PARP9: variants seen among roughly 807,000 people sequenced by gnomAD.
PARP9 encodes protein mono-ADP-ribosyltransferase PARP9.
Under a neutral mutation model 68.8 loss-of-function variants are expected in PARP9, and 48 were observed. The observed-to-expected ratio is 0.70, with a 90% CI of 0.55 to 0.89. The LOEUF (loss-of-function observed/expected upper bound fraction) is 0.89. Among genes scored for constraint, PARP9 ranks in the 40% least tolerant of loss-of-function variants. The probability of loss-of-function intolerance (pLI) is 0.00; values close to 1 mark genes in which losing one functional copy is unlikely to be tolerated. For synonymous variants in PARP9, 309 were observed against 333.8 expected (o/e 0.93, Z 0.81); for missense variants, 806 against 969.3 (o/e 0.83, Z 2.24).
intron 8 of PARP9, among the ~76,000 whole-genome samples, chr3:122,538,322 C>T (rs371391822): frequency 6.6e-6 from 1 of 152,122 alleles, no homozygotes; most frequent in Non-Finnish European, 1.5e-5. Flanking sequence ...AAACTTCTGC[C>T]GTTGGAAATG....
In PARP9 at chr3:122,545,463, C is replaced by T; in HGVS notation, c.1353G>A (p.Arg451=). ...AATTGTTCAAACTCAGCATCTTGGACCTCTTTGCCATTTCAGAACTGAAAG... is the reference window on the plus strand; with the variant it reads ...AATTGTTCAAACTCAGCATCTTGGATCTCTTTGCCATTTCAGAACTGAAAG... ...YKAFSSEMAK[R]SKMLSLNNYS... Residue 451 remains arginine, a synonymous_variant, in exon 7 of 11, where the codon AGG becomes AGA. Transcript: ENST00000682323. 6.2e-7 allele frequency: 1 copy of T among 1,614,196 alleles called. No individual in the cohort carries two copies. Among genetic ancestry groups the T allele is most frequent in the East Asian group, 2.2e-5 (1 of 44,890 alleles).
intron 8 of PARP9, among the ~76,000 whole-genome samples, chr3:122,540,176 C>T (rs1393737011): frequency 6.6e-6 from 1 of 152,170 alleles, no homozygotes; most frequent in Admixed American, 6.5e-5. Context: ...ATACTTTTCC[C>T]CATGGCTTGG....
At chr3:122,530,383 A>G (rs955996151) in intron 10 of PARP9, among the ~76,000 whole-genome samples, 1 of 152,160 alleles carries the variant, frequency 6.6e-6, no homozygotes, top group Non-Finnish European at 1.5e-5. Context: ...CGTGCATGTT[A>G]TCTAGGTCCA....
intron 2 of PARP9, 40 bp downstream of exon 2, chr3:122,559,566 T>A: frequency 6.4e-7 from 1 of 1,559,982 alleles, no homozygotes; most frequent in Non-Finnish European, 8.7e-7. Context: ...ATTCATGTGC[T>A]GATCAAGGTT....
At chr3:122,564,754 T>G, upstream of PARP9, 709 of 945,182 alleles carry the variant, frequency 7.5e-4, no homozygotes, top group Non-Finnish European at 9.8e-4. Flanking sequence ...GACGGGGCCC[T>G]ACTGCCAAGA....
At chr3:122,558,753 C>T (rs1271161439) in intron 2 of PARP9, among the ~76,000 whole-genome samples, 1 of 152,148 alleles carries the variant, frequency 6.6e-6, no homozygotes, top group African/African-American at 2.4e-5. Context: ...CTCTGTCACC[C>T]AGGCTGGAGT....
At chr3:122,536,639 A>C in intron 9 of PARP9, 2 of 535,988 alleles carry the variant, frequency 3.7e-6, no homozygotes, top group Non-Finnish European at 6.4e-6. Context: ...AAATAGGTAA[A>C]CAATTATAAC....
At chr3:122,563,260 G>T (rs1349306491) in intron 1 of PARP9, among the ~76,000 whole-genome samples, 2 of 152,154 alleles carry the variant, frequency 1.3e-5, no homozygotes, top group Non-Finnish European at 2.9e-5. Context: ...TGTCCAGGGT[G>T]GACTATCAGC....
At chr3:122,543,131 G>A (rs1432880384) in intron 7 of PARP9, among the ~76,000 whole-genome samples, 3 of 151,626 alleles carry the variant, frequency 2.0e-5, no homozygotes, top group African/African-American at 2.4e-5. Flanking sequence ...AACTGGTCTC[G>A]AACTCCTGAC....
rs1443665448 is a variant in PARP9, at chr3:122,528,329, G to GT, written c.*34dup. On this transcript the variant is annotated 3_prime_UTR_variant, in exon 11 of 11. Coordinates refer to ENST00000682323, the MANE Select transcript of PARP9 (RefSeq NM_001146105.2). ...TCATTATTTGGTTAGTTCACCCAAG[G>GT]TAAGGCCATACCAGCTGTTAAAATG... is the stretch of plus-strand genomic sequence containing the variant. The GT allele has an allele frequency of 5.0e-6, 8 of 1,588,066 alleles. No individual in the cohort carries two copies. Among genetic ancestry groups the GT allele is most frequent in the Non-Finnish European group, 6.9e-6 (8 of 1,166,362 alleles).
At chr3:122,546,482 T>C (rs117399974) in intron 6 of PARP9, among the ~76,000 whole-genome samples, 3,336 of 152,354 alleles carry the variant, frequency 0.022, 62 homozygotes, top group East Asian at 0.1. Context: ...TAAGGTAGGA[T>C]AGGCTAAGCT....
chr3:122,556,130 GAAGAGAAGATT>G lies in PARP9; in HGVS notation c.50-20_50-10del. On this transcript the variant is annotated splice_polypyrimidine_tract_variant and intron_variant, in intron 3 of 10. Transcript: ENST00000682323. ...TCCAAGAGCACCAGTCTCTGGAAAA[GAAGAGAAGATT>G]AAAAAAAAAAAAAAAAAAAAAAAAA... 2 of 189,794 alleles carry G rather than the reference GAAGAGAAGATT, an allele frequency of 1.1e-5. No homozygotes were observed. Among genetic ancestry groups the G allele is most frequent in the South Asian group, 6.0e-5 (1 of 16,594 alleles). 11.8% of individuals were successfully genotyped at this position (189,794 alleles called of 1,614,324 possible).
chr3:122,555,918 A>T lies in PARP9; in HGVS notation c.253T>A (p.Leu85Ile). 1.2e-6 allele frequency: 2 copies of T among 1,613,798 alleles called. No individual in the cohort carries two copies. The highest frequency in any genetic ancestry group is 1.3e-5 in the African/African-American group (1 of 74,926). The change falls in exon 4 of 11, where the codon TTA (leucine) becomes ATA (isoleucine). Residue 85 changes from leucine to isoleucine, a missense_variant. Transcript: ENST00000682323. ...FRKMLTPRIE[L>I]SVWKDDLTTH... ...GTGAGGTCATCTTTCCAGACTGATA[A>T]CTCTATCCTAGGAGTCAGCATTTTT...
At chr3:122,554,578 C>T (rs1056069557) in intron 4 of PARP9, among the ~76,000 whole-genome samples, 4 of 152,046 alleles carry the variant, frequency 2.6e-5, no homozygotes, top group African/African-American at 9.7e-5. Flanking sequence ...GTATATTGAT[C>T]CCAGCTCTAA....
rs936717644 is a variant in PARP9, at chr3:122,528,444, G to T, written c.2380C>A (p.Gln794Lys). 1.2e-6 allele frequency: 2 copies of T among 1,614,080 alleles called. No individual in the cohort carries two copies. Residue 794 changes from glutamine to lysine, a missense_variant, in exon 11 of 11, where the codon CAA becomes AAA. Physicochemically the swap from Gln to Lys is moderately conservative, Grantham distance 53. Around this residue, in one of 2 missense-constraint regions of PARP9, gnomAD observed 680 missense variants for 858.8 expected, o/e 0.79. Coordinates refer to ENST00000682323, the MANE Select transcript of PARP9 (RefSeq NM_001146105.2). ...WTCTQEYVQS[Q>K]DYSSGPMRPF... is the part of the protein sequence containing the mutation. ...CTCATTGGTCCTGATGAGTAATCTTGTGACTGTACATATTCCTGGGTGCAT... is the reference window on the plus strand; with the variant it reads ...CTCATTGGTCCTGATGAGTAATCTTTTGACTGTACATATTCCTGGGTGCAT...
chr3:122,532,104 A>C, intron 10 of PARP9: 1 of 975,086 alleles, frequency 1.0e-6, no homozygotes, highest in Non-Finnish European at 1.2e-6. Context: ...ATCCAGCTTC[A>C]TCACCTGAGT....
intron 10 of PARP9, chr3:122,534,548 G>A: frequency 3.2e-6 from 2 of 629,082 alleles, no homozygotes; most frequent in Non-Finnish European, 4.0e-6. Flanking sequence ...ACTATATAAT[G>A]AGTATGTTGG....
At chr3:122,537,176 T>C in intron 8 of PARP9, 103 bp from the exon 9 acceptor site, 1 of 1,258,746 alleles carries the variant, frequency 7.9e-7, no homozygotes, top group Admixed American at 2.3e-5. Context: ...GATTAGCCAG[T>C]TTAAATTGTG....
At chr3:122,559,504 G>T in intron 2 of PARP9, 102 bp downstream of exon 2, 1 of 1,157,210 alleles carries the variant, frequency 8.6e-7, no homozygotes, top group South Asian at 2.3e-5. Flanking sequence ...AGCAGATGAG[G>T]ATGTCAACTG....
Sources: gnomAD v4.1 joint callset for allele counts (sites outside exome capture counted in the v4.1 genomes callset) on GRCh38, gnomAD v4.1.1 for gene constraint, gnomAD v4.1.1 regional missense constraint, MANE v1.5 for transcripts, NCBI Gene and HGNC (gene_info 2026-07-23, HGNC 2026-07-21) for gene names.